HS3ST4: variants seen among roughly 807,000 people sequenced by gnomAD.
HS3ST4 encodes the protein heparan sulfate glucosamine 3-O-sulfotransferase 4.
A neutral mutation model predicts 29.2 loss-of-function variants in HS3ST4; 17 were observed. The ratio of observed to expected loss-of-function variants is 0.58; its 90% CI spans 0.40 to 0.87. The LOEUF is 0.87. Among genes scored for constraint, HS3ST4 ranks in the 40% least tolerant of loss-of-function variants. HS3ST4 has a pLI of 0.00. For synonymous variants in HS3ST4, 314 were observed against 285.7 expected (o/e 1.10, Z -1.00); for missense variants, 627 against 634.5 (o/e 0.99, Z 0.13).
intron 1 of HS3ST4, among the ~76,000 whole-genome samples, chr16:25,868,327 A>G (rs1000035675): frequency 2.0e-5 from 3 of 152,076 alleles, no homozygotes; most frequent in Admixed American, 6.6e-5. Context: ...TTGAAGATTC[A>G]TTGTAAGATA....
At chr16:25,795,273 C>G (rs1389427981) in intron 1 of HS3ST4, among the ~76,000 whole-genome samples, 3 of 151,948 alleles carry the variant, frequency 2.0e-5, no homozygotes, top group African/African-American at 7.2e-5. Context: ...ACCTGGCCCC[C>G]CATCCCGCCT....
chr16:25,920,460 G>A (rs1785846770), intron 1 of HS3ST4, among the ~76,000 whole-genome samples: 1 of 152,014 alleles, frequency 6.6e-6, no homozygotes, highest in Admixed American at 6.5e-5. Flanking sequence ...TCAGAAGAAT[G>A]AATACACTGG....
chr16:25,758,979 C>CAAA lies in HS3ST4; in HGVS notation c.734+65835_734+65837dup, dbSNP rs35194185. Among the ~76,000 whole-genome samples the CAAA allele has an allele frequency of 5.0e-3, 568 of 113,234 alleles. 17 individuals are homozygous for CAAA. In the East Asian group the frequency reaches 0.083, roughly 16 times the overall value. The allele number at this position is 113,234 out of a possible 152,430, so 74.3% of individuals were successfully genotyped here. On this transcript the variant is annotated intron_variant, in intron 1 of 1. Transcript: ENST00000331351. ...TCAAAAAAAACAAAAAACAAAAAAA[C>CAAA]AAAAAAAAACCCCAGAAAAACAAAA...
chr16:25,855,451 A>G (rs1318629563), intron 1 of HS3ST4, among the ~76,000 whole-genome samples: 2 of 152,202 alleles, frequency 1.3e-5, no homozygotes, highest in Non-Finnish European at 2.9e-5. Context: ...CCATTTCAAA[A>G]TATGTCAAAG....
chr16:25,829,782 T>C (rs1484046027), intron 1 of HS3ST4, among the ~76,000 whole-genome samples: 2 of 152,360 alleles, frequency 1.3e-5, no homozygotes, highest in Non-Finnish European at 1.5e-5. Context: ...TAATATTACA[T>C]GGTGTAAAAT....
chr16:26,040,458 C>T (rs4238937), intron 1 of HS3ST4, among the ~76,000 whole-genome samples: 4,674 of 152,176 alleles, frequency 0.031, 237 homozygotes, highest in African/African-American at 0.1. Flanking sequence ...CGCATGCCAA[C>T]ACGCCCAGCT....
intron 1 of HS3ST4, among the ~76,000 whole-genome samples, chr16:26,028,270 C>G (rs1969496289): frequency 1.2e-5 from 1 of 84,262 alleles, no homozygotes; most frequent in South Asian, 4.3e-4. Context: ...GAGACACCGT[C>G]TCAAAAAAAA....
At chr16:25,864,053 C>T (rs6650558) in intron 1 of HS3ST4, among the ~76,000 whole-genome samples, 27,481 of 152,036 alleles carry the variant, frequency 0.18, 2,744 homozygotes, top group African/African-American at 0.27. Context: ...TCTGTGCACA[C>T]GCCCTCTTCT....
chr16:26,011,581 A>G lies in HS3ST4; in HGVS notation c.735-124031A>G, dbSNP rs542676360. Among the ~76,000 whole-genome samples the G allele has an allele frequency of 4.8e-4, 73 of 152,200 alleles. 1 individual carries two copies. Among genetic ancestry groups the G allele is most frequent in the Middle Eastern group, 3.4e-3 (1 of 294 alleles). On this transcript the variant is annotated intron_variant, in intron 1 of 1. Transcript: ENST00000331351. ...TCTCAAAAAAAAGCATTCAATTTTA[A>G]CTGTTTAAAATACATGACCACGTAC...
chr16:25,712,698 A>T (rs1157338651), intron 1 of HS3ST4, among the ~76,000 whole-genome samples: 1 of 152,218 alleles, frequency 6.6e-6, no homozygotes, highest in Non-Finnish European at 1.5e-5. Flanking sequence ...CCCAGAAGCC[A>T]TAAAGGGAAA....
chr16:26,096,163 G>A (rs542847093), intron 1 of HS3ST4, among the ~76,000 whole-genome samples: 102 of 152,234 alleles, frequency 6.7e-4, no homozygotes, highest in African/African-American at 2.4e-3. Context: ...ACTACCAGAG[G>A]TACAAAGAGG....
chr16:26,079,284 G>A (rs1482662252), intron 1 of HS3ST4, among the ~76,000 whole-genome samples: 3 of 152,198 alleles, frequency 2.0e-5, no homozygotes, highest in African/African-American at 4.8e-5. Context: ...AGCCACAGGG[G>A]GCTTTTGGCA....
intron 1 of HS3ST4, among the ~76,000 whole-genome samples, chr16:25,891,820 TA>T (rs1164217944): frequency 6.6e-6 from 1 of 152,222 alleles, no homozygotes; most frequent in African/African-American, 2.4e-5. Context: ...GCACAGGCTA[TA>T]GAGTCAGACT....
intron 1 of HS3ST4, among the ~76,000 whole-genome samples, chr16:25,914,079 G>T (rs566988593): frequency 2.7e-5 from 4 of 148,322 alleles, no homozygotes; most frequent in South Asian, 2.2e-4. Flanking sequence ...TGTGTGTGTG[G>T]GGGTATGATA....
chr16:25,883,274 C>A (rs1486418151), intron 1 of HS3ST4, among the ~76,000 whole-genome samples: 3 of 151,448 alleles, frequency 2.0e-5, no homozygotes, highest in African/African-American at 7.3e-5. Flanking sequence ...TCTTGAAACT[C>A]AAAAAGCCTT....
chr16:26,002,989 G>A (rs531597282), intron 1 of HS3ST4, among the ~76,000 whole-genome samples: 1 of 147,254 alleles, frequency 6.8e-6, no homozygotes, highest in South Asian at 2.2e-4. Context: ...AGAAGGGCTT[G>A]TAAAGGCACC....
At chr16:26,123,132 A>G (rs758453037) in intron 1 of HS3ST4, among the ~76,000 whole-genome samples, 19 of 151,840 alleles carry the variant, frequency 1.3e-4, no homozygotes, top group South Asian at 2.1e-4. Context: ...TGTACCTACT[A>G]TGTGCACCAC....
At chr16:26,096,312 T>A (rs886141812) in intron 1 of HS3ST4, among the ~76,000 whole-genome samples, 5 of 152,180 alleles carry the variant, frequency 3.3e-5, no homozygotes, top group African/African-American at 1.2e-4. Context: ...TGTAGACCAA[T>A]ATCCCTGATA....
chr16:25,821,598 C>T (rs568777031), intron 1 of HS3ST4, among the ~76,000 whole-genome samples: 2 of 152,104 alleles, frequency 1.3e-5, no homozygotes, highest in South Asian at 2.1e-4. Context: ...TCAATTTTTT[C>T]CATATGCTTT....
Sources: gnomAD v4.1 joint callset for allele counts (sites outside exome capture counted in the v4.1 genomes callset) on GRCh38, gnomAD v4.1.1 for gene constraint, MANE v1.5 for transcripts, NCBI Gene and HGNC (gene_info 2026-07-23, HGNC 2026-07-21) for gene names.